PBX1: variants seen among roughly 807,000 people sequenced by gnomAD.
PBX1 encodes the protein pre-B-cell leukemia transcription factor 1.
Under a neutral mutation model 53.4 loss-of-function variants are expected in PBX1, and 6 were observed. The ratio of observed to expected loss-of-function variants is 0.11; its 90% CI spans 0.06 to 0.22. The LOEUF is 0.22. Ranked by LOEUF, PBX1 falls within the 10% of genes least tolerant of loss-of-function variation. The pLI, the probability that PBX1 is intolerant of heterozygous loss-of-function variation, is 1.00. For synonymous variants in PBX1, 204 were observed against 212.3 expected, an observed-to-expected ratio of 0.96 and a Z score of 0.34; for missense variants, 251 against 551.4, an observed-to-expected ratio of 0.46 and a Z score of 5.46.
Position 164,849,305 on chromosome 1 carries a change from C to G in PBX1, c.*2629C>G. ...TGATCACCTTTCACAGCATTTTCCC[C>G]AACCAGCATTTCACTTAGTCTTCTC... On this transcript the variant is annotated 3_prime_UTR_variant, in exon 9 of 9. Coordinates refer to ENST00000420696, the MANE Select transcript of PBX1 (RefSeq NM_002585.4). 1 of 1,535,056 alleles carries G rather than the reference C, an allele frequency of 6.5e-7. No homozygotes were observed. The highest frequency in any genetic ancestry group is 8.7e-7 in the Non-Finnish European group (1 of 1,146,428).
At chr1:164,657,313 A>T (rs1018658608) in intron 2 of PBX1, 11 of 152,244 alleles carry the variant, frequency 7.2e-5, no homozygotes, top group African/African-American at 2.2e-4. Flanking sequence ...AGGTGGGGAC[A>T]TCTGCTGTCT....
intron 2 of PBX1, among the ~76,000 whole-genome samples, chr1:164,596,602 C>T (rs772760902): frequency 6.6e-6 from 1 of 152,092 alleles, no homozygotes; most frequent in Non-Finnish European, 1.5e-5. Flanking sequence ...TCATTATAGA[C>T]CTGCCTATGA....
Position 164,850,851 on chromosome 1 carries a change from G to A in PBX1, c.*4175G>A, listed in dbSNP as rs554691625. 66 of 211,474 alleles carry A rather than the reference G, an allele frequency of 3.1e-4. No homozygotes were observed. The highest frequency in any genetic ancestry group is 1.4e-3 in the African/African-American group (62 of 44,298). 13.1% of individuals were successfully genotyped at this position (211,474 alleles called of 1,614,324 possible). A position where few individuals can be genotyped will look rare whatever the true frequency, so the allele number is the denominator to read the frequency against. ...AAAGGTTTTTGCTGTTTTTGATTCT[G>A]ATTATCACAGCCAAGTACTTTGTTT... On this transcript the variant is annotated 3_prime_UTR_variant, in exon 9 of 9. Transcript: ENST00000420696.
At chr1:164,644,704 C>T (rs1242844279) in intron 2 of PBX1, among the ~76,000 whole-genome samples, 1 of 152,062 alleles carries the variant, frequency 6.6e-6, no homozygotes, top group Non-Finnish European at 1.5e-5. Context: ...GTATCTTGGC[C>T]TTAATGTGTC....
intron 2 of PBX1, among the ~76,000 whole-genome samples, chr1:164,692,027 A>G (rs1352244430): frequency 6.6e-6 from 1 of 152,256 alleles, no homozygotes; most frequent in East Asian, 1.9e-4. Flanking sequence ...TCCCCAAGAC[A>G]CTATTACGTA....
chr1:164,810,567 G>T (rs1371707384), intron 5 of PBX1, among the ~76,000 whole-genome samples: 1 of 151,464 alleles, frequency 6.6e-6, no homozygotes, highest in Non-Finnish European at 1.5e-5. Context: ...CTTTCAGCTT[G>T]TGCAGTTATC....
chr1:164,583,935 C>G (rs2101748057), intron 2 of PBX1, among the ~76,000 whole-genome samples: 1 of 152,224 alleles, frequency 6.6e-6, no homozygotes, highest in African/African-American at 2.4e-5. Context: ...AGCACTTAAC[C>G]CACAATATGT....
rs1652883146 is a variant in PBX1 at position 164,559,714 on chromosome 1, C to T, written c.-109C>T. The T allele has an allele frequency of 5.3e-6, 4 of 756,586 alleles. No homozygotes were observed. Among genetic ancestry groups the T allele is most frequent in the Non-Finnish European group, 5.9e-6 (3 of 508,506 alleles). 46.9% of individuals were successfully genotyped at this position (756,586 alleles called of 1,614,324 possible). On this transcript the variant is annotated 5_prime_UTR_variant, in exon 1 of 9. Transcript: ENST00000420696. ...CTTTTTTCCCCCTTCCCTGTTTATC[C>T]TGAAAAGGATTTGAAGACAAGCTTG... is the stretch of plus-strand genomic sequence containing the variant.
intron 3 of PBX1, among the ~76,000 whole-genome samples, chr1:164,793,876 T>C (rs1341049387): frequency 5.4e-4 from 75 of 138,542 alleles, no homozygotes; most frequent in African/African-American, 1.9e-3. Context: ...TCCTTTCTTT[T>C]TTTTTTTTTT....
chr1:164,834,025 GTATA>G (rs912037957), intron 8 of PBX1, among the ~76,000 whole-genome samples: 6 of 136,544 alleles, frequency 4.4e-5, no homozygotes, highest in African/African-American at 1.8e-4. Context: ...GTATATATAT[GTATA>G]TGTGTGTGTG....
intron 6 of PBX1, chr1:164,815,274 T>C (rs1669825751): frequency 6.6e-6 from 1 of 152,256 alleles, no homozygotes; most frequent in South Asian, 2.1e-4. Context: ...ATTACAGATG[T>C]TCACTGTGGC....
chr1:164,714,036 TG>T (rs1663951075), intron 2 of PBX1, among the ~76,000 whole-genome samples: 1 of 152,206 alleles, frequency 6.6e-6, no homozygotes. Flanking sequence ...AGAACAGCTC[TG>T]GGGAGGGTTC....
At chr1:164,804,716 C>T (rs1669256273) in intron 4 of PBX1, among the ~76,000 whole-genome samples, 2 of 152,260 alleles carry the variant, frequency 1.3e-5, no homozygotes, top group East Asian at 3.9e-4. Context: ...TCAGGACATG[C>T]TTTGGGGGCA....
chr1:164,778,789 G>A (rs1282434081), intron 2 of PBX1, among the ~76,000 whole-genome samples: 7 of 152,146 alleles, frequency 4.6e-5, no homozygotes, highest in Non-Finnish European at 4.4e-5. Context: ...CCTTCATCCC[G>A]TGAAACTCTG....
At chr1:164,793,053 G>C (rs1434956573) in intron 3 of PBX1, among the ~76,000 whole-genome samples, 1 of 152,210 alleles carries the variant, frequency 6.6e-6, no homozygotes, top group African/African-American at 2.4e-5. Context: ...GTGTGTCTGT[G>C]ATGTGCAGGC....
At chr1:164,760,194 C>A (rs1163179348) in intron 2 of PBX1, among the ~76,000 whole-genome samples, 1 of 152,182 alleles carries the variant, frequency 6.6e-6, no homozygotes, top group Non-Finnish European at 1.5e-5. Context: ...GAGCCACTTA[C>A]CATGTCACAC....
At chr1:164,811,088 G>A (rs1388077862) in intron 5 of PBX1, among the ~76,000 whole-genome samples, 1 of 152,112 alleles carries the variant, frequency 6.6e-6, no homozygotes, top group Non-Finnish European at 1.5e-5. Context: ...TTCATAGTTT[G>A]TTTTGTAATT....
At chr1:164,628,503 A>T (rs1658195209) in intron 2 of PBX1, among the ~76,000 whole-genome samples, 1 of 152,132 alleles carries the variant, frequency 6.6e-6, no homozygotes. Context: ...GCTAGTTTGC[A>T]CTCCCTGTGA....
chr1:164,602,668 C>T (rs1262463103), intron 2 of PBX1, among the ~76,000 whole-genome samples: 1 of 151,122 alleles, frequency 6.6e-6, no homozygotes, highest in South Asian at 2.1e-4. Flanking sequence ...TATTCCATTC[C>T]ACTACCTTCC....
Sources: gnomAD v4.1 joint callset for allele counts (sites outside exome capture counted in the v4.1 genomes callset) on GRCh38, gnomAD v4.1.1 for gene constraint, MANE v1.5 for transcripts, NCBI Gene and HGNC (gene_info 2026-07-23, HGNC 2026-07-21) for gene names.